Variants in EDEM1 observed in about 807,000 individuals in gnomAD.
The protein encoded by EDEM1 is ER degradation enhancing alpha-mannosidase like protein 1, also known as ER degradation-enhancing alpha-mannosidase-like protein 1.
In EDEM1, 67 loss-of-function variants were observed where a neutral mutation model predicts 74.4. The ratio of observed to expected loss-of-function variants is 0.90; its 90% CI spans 0.74 to 1.10. The LOEUF is 1.10. Ranked by LOEUF, EDEM1 falls within the 50% of genes least tolerant of loss-of-function variation. EDEM1 has a pLI of 0.00. For missense variants in EDEM1, 926 were observed against 851.6 expected (o/e 1.09, Z -1.09); for synonymous variants, 382 against 335.9 (o/e 1.14, Z -1.50).
At chr3:5,195,603 C>G (rs764925454) in intron 2 of EDEM1, among the ~76,000 whole-genome samples, 1 of 152,118 alleles carries the variant, frequency 6.6e-6, no homozygotes, top group African/African-American at 2.4e-5. Context: ...TAATTATAGT[C>G]GTTGCTATTC....
In EDEM1 at chr3:5,217,953, C is replaced by G. The variant is rs1238966072; in HGVS notation, c.*2035C>G. On this transcript the variant is annotated 3_prime_UTR_variant, in exon 12 of 12. Transcript: ENST00000256497. ...ATTTCTCTTGGCGCTCCCCTCCTCT[C>G]CCGCTCTGGCTTCTGTGGCGGCAGT... 2 of 152,238 alleles carry G rather than the reference C, an allele frequency of 1.3e-5. No homozygotes were observed. Among genetic ancestry groups the G allele is most frequent in the Non-Finnish European group, 2.9e-5 (2 of 68,064 alleles). 9.4% of individuals were successfully genotyped at this position (152,238 alleles called of 1,614,324 possible). A position where few individuals can be genotyped will look rare whatever the true frequency, so the allele number is the denominator to read the frequency against.
intron 5 of EDEM1, 150 bp downstream of exon 5, chr3:5,203,299 C>A (rs926610407): frequency 1.2e-6 from 1 of 804,698 alleles, no homozygotes; most frequent in Non-Finnish European, 1.8e-6. Flanking sequence ...TTTATGTGAC[C>A]CTTTGCAGAG....
chr3:5,208,514 G>A (rs1460029177), intron 8 of EDEM1, among the ~76,000 whole-genome samples: 1 of 151,974 alleles, frequency 6.6e-6, no homozygotes, highest in South Asian at 2.1e-4. Context: ...TTTACCGTAG[G>A]ACTTATAACT....
At chr3:5,189,989 G>GTT (rs1156615982) in intron 1 of EDEM1, among the ~76,000 whole-genome samples, 1 of 77,300 alleles carries the variant, frequency 1.3e-5, no homozygotes, top group Non-Finnish European at 3.2e-5. Flanking sequence ...TTCTTTCTTA[G>GTT]TTTTTTTTTT....
intron 1 of EDEM1, 65 bp downstream of exon 1, chr3:5,188,379 T>C (rs2054856054): frequency 8.2e-6 from 11 of 1,348,144 alleles, no homozygotes; most frequent in Non-Finnish European, 1.0e-5. Flanking sequence ...CGCGCCGGGG[T>C]GCAGCCCTCT....
At chr3:5,205,302 G>A (rs771445061) in intron 6 of EDEM1, 61 bp downstream of exon 6, 33 of 1,520,876 alleles carry the variant, frequency 2.2e-5, no homozygotes, top group South Asian at 7.4e-5. Context: ...ATTCTGAAGC[G>A]TTTGTATTTT....
At chr3:5,206,449 A>C (rs950489248) in intron 6 of EDEM1, among the ~76,000 whole-genome samples, 1 of 151,606 alleles carries the variant, frequency 6.6e-6, no homozygotes, top group Non-Finnish European at 1.5e-5. Flanking sequence ...CTCGTGATCC[A>C]CCCGCCTCGG....
Position 5,187,878 on chromosome 3 carries a change from T to C in EDEM1, c.73T>C (p.Phe25Leu). 1.3e-6 allele frequency: 2 copies of C among 1,598,682 alleles called. No individual in the cohort carries two copies. The highest frequency in any genetic ancestry group is 1.7e-6 in the Non-Finnish European group (2 of 1,174,472). ...LGLHGVLWLV[F>L]GLGPSMGFYQ... is the part of the protein sequence containing the mutation. The stretch of plus-strand genomic sequence containing the variant: ...CCTCCATGGAGTATTGTGGCTCGTC[T>C]TCGGGCTGGGGCCCAGCATGGGCTT... Residue 25 changes from phenylalanine to leucine, a missense_variant, in exon 1 of 12, where the codon TTC becomes CTC. Phe to Leu is a conservative substitution (Grantham distance 22). Coordinates refer to ENST00000256497, the MANE Select transcript of EDEM1 (RefSeq NM_014674.3).
intron 10 of EDEM1, 86 bp downstream of exon 10, chr3:5,211,302 C>G (rs1292415958): frequency 7.8e-7 from 1 of 1,279,790 alleles, no homozygotes; most frequent in Non-Finnish European, 1.1e-6. Flanking sequence ...CAGGTACTTA[C>G]TGGCTAAAGC....
intron 2 of EDEM1, among the ~76,000 whole-genome samples, chr3:5,196,182 C>T (rs148404531): frequency 2.0e-5 from 3 of 152,296 alleles, no homozygotes; most frequent in East Asian, 1.9e-4. Context: ...TGGGGCCGGG[C>T]GCAGTGGCTC....
At chr3:5,189,989 G>GT (rs1156615982) in intron 1 of EDEM1, among the ~76,000 whole-genome samples, 264 of 77,376 alleles carry the variant, frequency 3.4e-3, no homozygotes, top group African/African-American at 9.7e-3. Flanking sequence ...TTCTTTCTTA[G>GT]TTTTTTTTTT....
chr3:5,199,827 G>A (rs901315323), intron 3 of EDEM1, 132 bp downstream of exon 3: 5 of 589,730 alleles, frequency 8.5e-6, no homozygotes, highest in Admixed American at 6.9e-5. Context: ...GGTGCAGTGT[G>A]CATTTTTCAT....
rs1427188445 is a variant in EDEM1 at position 5,219,079 on chromosome 3, C to G, written c.*3161C>G. ...GTTGTGCAATCTGAGGGCCTTGTTT[C>G]CTCCTCCCCTTTCCCCTTCTCCCCA... On this transcript the variant is annotated 3_prime_UTR_variant, in exon 12 of 12. Transcript: ENST00000256497. The G allele has an allele frequency of 6.6e-6, 1 of 152,076 alleles. No homozygotes were observed. The highest frequency in any genetic ancestry group is 2.4e-5 in the African/African-American group (1 of 41,424). The allele number at this position is 152,076 out of a possible 1,614,324, so 9.4% of individuals were successfully genotyped here. A position where few individuals can be genotyped will look rare whatever the true frequency, so the allele number is the denominator to read the frequency against.
chr3:5,190,562 G>A (rs1339261200), intron 1 of EDEM1, among the ~76,000 whole-genome samples: 1 of 152,244 alleles, frequency 6.6e-6, no homozygotes, highest in Non-Finnish European at 1.5e-5. Flanking sequence ...TCAGGATGAA[G>A]GCTGCCGATG....
intron 1 of EDEM1, among the ~76,000 whole-genome samples, chr3:5,190,046 C>G (rs2054882812): frequency 6.7e-6 from 1 of 150,240 alleles, no homozygotes; most frequent in Admixed American, 6.6e-5. Context: ...TTTTTGTTGT[C>G]AGCCTACATC....
chr3:5,215,726 C>A, intron 11 of EDEM1, 103 bp from the exon 12 acceptor site: 1 of 1,063,748 alleles, frequency 9.4e-7, no homozygotes, highest in South Asian at 1.3e-5. Flanking sequence ...TTCCAAACGT[C>A]AGTAGTTCAC....
At chr3:5,215,037 C>T (rs191364747) in intron 11 of EDEM1, among the ~76,000 whole-genome samples, 122 of 152,284 alleles carry the variant, frequency 8.0e-4, no homozygotes, top group Non-Finnish European at 8.2e-4. Flanking sequence ...GGTGTTCAGG[C>T]AGAAGCAGTA....
At position 5,203,089 on chromosome 3, in the gene EDEM1, G is replaced by T. The variant is rs1190426962; in HGVS notation, c.982G>T (p.Val328Leu). The T allele has an allele frequency of 2.5e-6, 4 of 1,611,570 alleles. No individual in the cohort carries two copies. The African/African-American group carries it at 5.3e-5, about 22-fold the overall frequency. Reference protein sequence around the residue: ...RLLGDSTFEWVARRAVKALWN... With the variant: ...RLLGDSTFEWLARRAVKALWN... ...CCTGGGGGACTCCACATTTGAGTGG[G>T]TGGCCAGACGAGCAGTGAAAGCCCT... Residue 328 changes from valine to leucine, a missense_variant, in exon 5 of 12, where the codon GTG (valine) becomes TTG (leucine). Val to Leu is a conservative substitution (Grantham distance 32). Coordinates refer to ENST00000256497, the MANE Select transcript of EDEM1 (RefSeq NM_014674.3).
intron 9 of EDEM1, 38 bp downstream of exon 9, chr3:5,210,286 C>T: frequency 6.4e-7 from 1 of 1,562,274 alleles, no homozygotes; most frequent in Middle Eastern, 1.7e-4. Flanking sequence ...CTGTCAGCCA[C>T]TTTTAATTTA....
Sources: allele counts gnomAD v4.1 joint callset (sites outside exome capture counted in the v4.1 genomes callset), GRCh38; gene constraint gnomAD v4.1.1; transcripts MANE v1.5; gene names NCBI Gene and HGNC (gene_info 2026-07-23, HGNC 2026-07-21).